Variants in NR2F1-AS1 observed in about 807,000 individuals in gnomAD.
NR2F1-AS1 encodes NR2F1 regulatory antisense RNA 1.
chr5:93,536,681 A>G (rs989797308), intron 4 of NR2F1-AS1, among the ~76,000 whole-genome samples: 49 of 152,358 alleles, frequency 3.2e-4, no homozygotes, highest in African/African-American at 1.1e-3. Flanking sequence ...AATAAACATT[A>G]CAAAAAAGAC....
intron 1 of NR2F1-AS1, among the ~76,000 whole-genome samples, chr5:93,576,586 G>T (rs1014187039): frequency 6.6e-6 from 1 of 152,112 alleles, no homozygotes; most frequent in Non-Finnish European, 1.5e-5. Flanking sequence ...ATTGCAACAT[G>T]ACTGGTAACA....
intron 1 of NR2F1-AS1, among the ~76,000 whole-genome samples, chr5:93,577,103 G>T (rs1313010180): frequency 6.6e-6 from 1 of 152,214 alleles, no homozygotes; most frequent in African/African-American, 2.4e-5. Context: ...CCTCTAAAAA[G>T]GCTCGATTTG....
At chr5:93,539,458 A>T (rs562210945) in intron 4 of NR2F1-AS1, among the ~76,000 whole-genome samples, 1 of 152,314 alleles carries the variant, frequency 6.6e-6, no homozygotes, top group Non-Finnish European at 1.5e-5. Flanking sequence ...TTGTGACAAC[A>T]TGGATGAACC....
intron 4 of NR2F1-AS1, among the ~76,000 whole-genome samples, chr5:93,485,689 G>A (rs1040602266): frequency 6.6e-6 from 1 of 152,142 alleles, no homozygotes. Context: ...TTCAAACATT[G>A]TGGAAGTCAA....
chr5:93,532,830 T>C (rs995458149), intron 4 of NR2F1-AS1, among the ~76,000 whole-genome samples: 2 of 152,244 alleles, frequency 1.3e-5, no homozygotes, highest in South Asian at 2.1e-4. Context: ...TATGTGTTCA[T>C]GTCACCAAAT....
rs776788716 is a variant in NR2F1-AS1, at chr5:93,550,350, A to G, written n.638+3411T>C. On this transcript the variant is annotated intron_variant and non_coding_transcript_variant, in intron 4 of 5. Coordinates refer to ENST00000660523, the Ensembl canonical transcript of NR2F1-AS1. Reference sequence around the variant, plus strand: ...CAGGTCACTATGGGCCCTTTTCCCTACTCAAAAAGAGACCCTCCCTATTAA... The same window carrying G: ...CAGGTCACTATGGGCCCTTTTCCCTGCTCAAAAAGAGACCCTCCCTATTAA... Among the ~76,000 whole-genome samples, 8 of 152,244 alleles carry G rather than the reference A, an allele frequency of 5.3e-5. No individual in the cohort carries two copies. The South Asian group carries it at 1.7e-3, about 32-fold the overall frequency.
intron 4 of NR2F1-AS1, among the ~76,000 whole-genome samples, chr5:93,501,322 G>T (rs1369480991): frequency 6.8e-5 from 1 of 14,668 alleles, no homozygotes; most frequent in Non-Finnish European, 1.2e-4. Context: ...TAAGGTTTTT[G>T]TTGTTGTTGT....
At chr5:93,520,812 T>C (rs1378564940) in intron 4 of NR2F1-AS1, among the ~76,000 whole-genome samples, 2 of 152,190 alleles carry the variant, frequency 1.3e-5, no homozygotes, top group East Asian at 3.8e-4. Context: ...CTTCTACATA[T>C]TGCAAGCCTC....
chr5:93,509,017 C>A (rs1751242473), intron 4 of NR2F1-AS1, among the ~76,000 whole-genome samples: 1 of 152,066 alleles, frequency 6.6e-6, no homozygotes, highest in Non-Finnish European at 1.5e-5. Flanking sequence ...AACTTTTACA[C>A]ACACCTGGCA....
At chr5:93,520,074 C>T (rs1751473141) in intron 4 of NR2F1-AS1, among the ~76,000 whole-genome samples, 1 of 151,972 alleles carries the variant, frequency 6.6e-6, no homozygotes, top group Admixed American at 6.6e-5. Context: ...TATATAGATC[C>T]TATTAAATTC....
At chr5:93,426,791 G>A (rs1561430973) in intron 4 of NR2F1-AS1, among the ~76,000 whole-genome samples, 2 of 152,194 alleles carry the variant, frequency 1.3e-5, no homozygotes, top group African/African-American at 4.8e-5. Context: ...GTAAAGAGTG[G>A]CAGATAAACA....
rs17083216 is a variant in NR2F1-AS1, at chr5:93,554,058, C to G, written n.536-195G>C. Reference sequence around the variant, plus strand: ...GTTACTCTGATCAATTCATTGTAGTCTATATATTACTTACCTAAATATGCA... The same window carrying G: ...GTTACTCTGATCAATTCATTGTAGTGTATATATTACTTACCTAAATATGCA... On this transcript the variant is annotated intron_variant and non_coding_transcript_variant, in intron 3 of 5. Coordinates refer to ENST00000660523, the Ensembl canonical transcript of NR2F1-AS1. 1.4e-3 allele frequency among the ~76,000 whole-genome samples: 215 copies of G among 152,276 alleles called. 3 individuals are homozygous for G. In the East Asian group the frequency reaches 0.04, roughly 28 times the overall value.
At position 93,522,328 on chromosome 5, in the gene NR2F1-AS1, A is replaced by T. The variant is rs892009988; in HGVS notation, n.638+31433T>A. Among the ~76,000 whole-genome samples the T allele has an allele frequency of 2.0e-5, 3 of 152,318 alleles. No homozygotes were observed. In the East Asian group the frequency reaches 5.8e-4, roughly 29 times the overall value. The stretch of plus-strand genomic sequence containing the variant: ...GTGACATGAGTTCACCTATGTAACA[A>T]ACCTTCACAAGTATCCCCGAACCTA... On this transcript the variant is annotated intron_variant and non_coding_transcript_variant, in intron 4 of 5. Coordinates refer to ENST00000660523, the Ensembl canonical transcript of NR2F1-AS1.
At chr5:93,545,726 A>C (rs1389118192) in intron 4 of NR2F1-AS1, among the ~76,000 whole-genome samples, 1 of 152,128 alleles carries the variant, frequency 6.6e-6, no homozygotes. Context: ...CACCTACTTA[A>C]CCTACTCTTC....
In NR2F1-AS1 at chr5:93,559,094, T is replaced by C. The variant is rs1023137985; in HGVS notation, n.414-4099A>G. ...GCTATGAAAGTCCTAGATAGCATCT[T>C]CTTCCAATAGAAGGCCATTTCATCT... is the stretch of plus-strand genomic sequence containing the variant. On this transcript the variant is annotated intron_variant and non_coding_transcript_variant, in intron 2 of 5. Coordinates refer to ENST00000660523, the Ensembl canonical transcript of NR2F1-AS1. 2.0e-5 allele frequency among the ~76,000 whole-genome samples: 3 copies of C among 152,238 alleles called. No individual in the cohort carries two copies. The East Asian group carries it at 5.8e-4, about 29-fold the overall frequency.
At chr5:93,585,243 C>T, upstream of NR2F1-AS1, 1 of 1,562,324 alleles carries the variant, frequency 6.4e-7, no homozygotes, top group Non-Finnish European at 8.7e-7. Flanking sequence ...GGGCCAGGGC[C>T]CGCCCGGTTC....
chr5:93,558,212 C>T (rs1752404901), intron 2 of NR2F1-AS1, among the ~76,000 whole-genome samples: 1 of 152,126 alleles, frequency 6.6e-6, no homozygotes, highest in South Asian at 2.1e-4. Flanking sequence ...ACGTTGTTAA[C>T]GGCAGCTAGA....
intron 4 of NR2F1-AS1, among the ~76,000 whole-genome samples, chr5:93,471,980 T>A (rs1750374868): frequency 6.6e-6 from 1 of 151,916 alleles, no homozygotes; most frequent in South Asian, 2.1e-4. Flanking sequence ...TTATTGAGTA[T>A]GTAACAAGTA....
intron 1 of NR2F1-AS1, among the ~76,000 whole-genome samples, chr5:93,567,735 T>C (rs971445843): frequency 2.6e-5 from 4 of 152,192 alleles, no homozygotes; most frequent in Non-Finnish European, 5.9e-5. Context: ...AATCAGTTTA[T>C]TTAAAGAGGA....
Sources: gnomAD v4.1 joint callset for allele counts (sites outside exome capture counted in the v4.1 genomes callset) on GRCh38, gnomAD v4.1.1 for gene constraint, MANE v1.5 for transcripts, NCBI Gene and HGNC (gene_info 2026-07-23, HGNC 2026-07-21) for gene names.